Variants in SPINK13 observed in about 807,000 individuals in gnomAD.
The protein encoded by SPINK13 is serine peptidase inhibitor Kazal type 13.
A neutral mutation model predicts 11.0 loss-of-function variants in SPINK13; 11 were observed. That is an observed-to-expected ratio of 1.00 (90% CI 0.63 to 1.65). The LOEUF is 1.65. SPINK13 is among the 40% of genes most tolerant of loss of function. The pLI is 0.00. For synonymous variants in SPINK13, 31 were observed against 35.6 expected (o/e 0.87, Z 0.46); for missense variants, 113 against 117.7 (o/e 0.96, Z 0.19).
chr5:148,269,144 A>G (rs1037023524), intron 1 of SPINK13: 5 of 152,208 alleles, frequency 3.3e-5, no homozygotes, highest in African/African-American at 1.2e-4. Flanking sequence ...CGGGGAAGGT[A>G]TCTTCTCCCT....
chr5:148,283,106 C>G (rs1239610154), intron 4 of SPINK13, among the ~76,000 whole-genome samples: 1 of 152,082 alleles, frequency 6.6e-6, no homozygotes, highest in Non-Finnish European at 1.5e-5. Flanking sequence ...AGTGGACTCA[C>G]AGAAGCGATA....
intron 3 of SPINK13, among the ~76,000 whole-genome samples, chr5:148,279,851 C>T (rs1029082359): frequency 2.0e-5 from 3 of 152,156 alleles, no homozygotes; most frequent in African/African-American, 7.2e-5. Flanking sequence ...GGGAAGTTCT[C>T]CTGGATAATA....
chr5:148,277,553 G>A (rs1756449878), intron 3 of SPINK13, among the ~76,000 whole-genome samples: 1 of 152,156 alleles, frequency 6.6e-6, no homozygotes, highest in Admixed American at 6.5e-5. Context: ...TTTTGTCATG[G>A]TTCTGTTTAC....
chr5:148,274,007 A>C (rs1003949586), intron 2 of SPINK13, among the ~76,000 whole-genome samples: 1 of 152,214 alleles, frequency 6.6e-6, no homozygotes, highest in Non-Finnish European at 1.5e-5. Context: ...AATTTTAAAA[A>C]TGCATGTAAT....
At chr5:148,272,528 T>C (rs1433269865) in intron 2 of SPINK13, among the ~76,000 whole-genome samples, 2 of 152,186 alleles carry the variant, frequency 1.3e-5, no homozygotes, top group Non-Finnish European at 2.9e-5. Context: ...AGAGAACTTG[T>C]CCATAGAAGT....
chr5:148,277,232 T>C (rs1756444144), intron 3 of SPINK13, among the ~76,000 whole-genome samples: 2 of 152,224 alleles, frequency 1.3e-5, no homozygotes, highest in Non-Finnish European at 2.9e-5. Flanking sequence ...ACAGAGATAA[T>C]TTGACTTCCT....
At chr5:148,280,624 C>A (rs1395741280) in intron 3 of SPINK13, among the ~76,000 whole-genome samples, 1 of 152,196 alleles carries the variant, frequency 6.6e-6, no homozygotes, top group Non-Finnish European at 1.5e-5. Flanking sequence ...TGCAGAACAG[C>A]AAAGATTGCT....
intron 2 of SPINK13, 69 bp from the exon 3 acceptor site, chr5:148,274,278 C>A: frequency 9.3e-7 from 1 of 1,080,366 alleles, no homozygotes; most frequent in Non-Finnish European, 1.4e-6. Context: ...TCAGTGACTT[C>A]AGTAGGTGAT....
chr5:148,274,368 T>A lies in SPINK13; in HGVS notation c.92T>A (p.Phe31Tyr). 1 of 1,612,448 alleles carries A rather than the reference T, an allele frequency of 6.2e-7. No individual in the cohort carries two copies. Among genetic ancestry groups the A allele is most frequent in the Non-Finnish European group, 8.5e-7 (1 of 1,178,728 alleles). The stretch of plus-strand genomic sequence containing the variant: ...GCAGGAATTTTCAATAAACGTGACT[T>A]CACTAGGTGGCCTAAGGTAAATTTA... ...AFSGIFNKRD[F>Y]TRWPKPRCKM... Residue 31 changes from phenylalanine to tyrosine, a missense_variant, in exon 3 of 5, where the codon TTC becomes TAC. Transcript: ENST00000398450.
intron 2 of SPINK13, among the ~76,000 whole-genome samples, 175 bp downstream of exon 2, chr5:148,270,317 T>C (rs1469046040): frequency 6.6e-6 from 1 of 152,194 alleles, no homozygotes; most frequent in Non-Finnish European, 1.5e-5. Flanking sequence ...AGACTTGTTT[T>C]CTACATGGTG....
chr5:148,279,382 T>G (rs1756479959), intron 3 of SPINK13, among the ~76,000 whole-genome samples: 1 of 152,294 alleles, frequency 6.6e-6, no homozygotes, highest in East Asian at 1.9e-4. Flanking sequence ...GTTGATGGTC[T>G]TTACATTTTG....
At chr5:148,280,612 G>C (rs576730691) in intron 3 of SPINK13, among the ~76,000 whole-genome samples, 2 of 152,198 alleles carry the variant, frequency 1.3e-5, no homozygotes, top group African/African-American at 2.4e-5. Context: ...ACCAGTAGAG[G>C]CTGCAGAACA....
Position 148,282,193 on chromosome 5 carries a change from C to T in SPINK13, c.198C>T (p.His66=), listed in dbSNP as rs766312278. The T allele has an allele frequency of 1.2e-6, 2 of 1,614,198 alleles. No individual in the cohort carries two copies. Among genetic ancestry groups the T allele is most frequent in the South Asian group, 1.1e-5 (1 of 91,088 alleles). Residue 66 remains histidine, a synonymous_variant, in exon 4 of 5, where the codon CAC becomes CAT. Coordinates refer to ENST00000398450, the MANE Select transcript of SPINK13 (RefSeq NM_001040129.3). ...CACCTGTTTGTGCCTCAAATGGCCA[C>T]ACTTTCCAGAATGAGTGTTTCTTTT... ...VTAPVCASNG[H]TFQNECFFCV...
At chr5:148,276,131 T>G (rs1024225814) in intron 3 of SPINK13, among the ~76,000 whole-genome samples, 11 of 152,220 alleles carry the variant, frequency 7.2e-5, no homozygotes, top group African/African-American at 2.7e-4. Context: ...CTTCACCCAC[T>G]TTTTGATGAG....
chr5:148,285,581 A>G (rs1377025738), intron 4 of SPINK13, among the ~76,000 whole-genome samples: 2 of 152,182 alleles, frequency 1.3e-5, no homozygotes, highest in Admixed American at 6.5e-5. Flanking sequence ...TAAATACCCA[A>G]GTAAGGGGAA....
Position 148,275,809 on chromosome 5 carries a change from C to T in SPINK13, c.108+1425C>T, listed in dbSNP as rs371269680. ...CCGAGTAGCTGGGACTACAGGCACC[C>T]GCCACCAAGCCTGGCTAATTTTTTG... On this transcript the variant is annotated intron_variant, in intron 3 of 4. Coordinates refer to ENST00000398450, the MANE Select transcript of SPINK13 (RefSeq NM_001040129.3). Among the ~76,000 whole-genome samples, 167 of 152,054 alleles carry T rather than the reference C, an allele frequency of 1.1e-3. 2 individuals carry two copies. In the East Asian group the frequency reaches 0.028, roughly 25 times the overall value.
intron 4 of SPINK13, among the ~76,000 whole-genome samples, chr5:148,284,667 G>A (rs1756565359): frequency 6.6e-6 from 1 of 152,196 alleles, no homozygotes; most frequent in African/African-American, 2.4e-5. Context: ...ACAATAGGAG[G>A]AGAAGGGTAA....
chr5:148,278,759 G>A (rs982796137), intron 3 of SPINK13, among the ~76,000 whole-genome samples: 1 of 152,162 alleles, frequency 6.6e-6, no homozygotes, highest in South Asian at 2.1e-4. Context: ...GATTGGGGTG[G>A]AAAGTTCTGT....
chr5:148,278,900 G>C (rs1756471318), intron 3 of SPINK13, among the ~76,000 whole-genome samples: 1 of 152,070 alleles, frequency 6.6e-6, no homozygotes, highest in Admixed American at 6.6e-5. Context: ...GGGAGTGTAA[G>C]TCTCCTTGTA....
Sources: gnomAD v4.1 joint callset for allele counts (sites outside exome capture counted in the v4.1 genomes callset) on GRCh38, gnomAD v4.1.1 for gene constraint, MANE v1.5 for transcripts, NCBI Gene and HGNC (gene_info 2026-07-23, HGNC 2026-07-21) for gene names.